Variants in RAD50 observed in about 807,000 individuals in gnomAD.
RAD50 encodes RAD50 double strand break repair protein, also known as DNA repair protein RAD50.
In RAD50, 132 loss-of-function variants were observed where a neutral mutation model predicts 168.8. The observed-to-expected ratio is 0.78, with a 90% CI of 0.68 to 0.90. The LOEUF (loss-of-function observed/expected upper bound fraction) is 0.90. RAD50 is among the 40% of genes least tolerant of loss of function. The pLI, the probability that RAD50 is intolerant of heterozygous loss-of-function variation, is 0.00. For synonymous variants in RAD50, 525 were observed against 497.4 expected (o/e 1.06, Z -0.74); for missense variants, 1,347 against 1,534.4 (o/e 0.88, Z 2.04).
intron 11 of RAD50, among the ~76,000 whole-genome samples, 175 bp downstream of exon 11, chr5:132,592,209 T>G (rs1201012983): frequency 6.6e-6 from 1 of 152,156 alleles, no homozygotes; most frequent in Admixed American, 6.5e-5. Context: ...AGATAAAAAT[T>G]TTAAATAAAC....
chr5:132,640,618 G>C (rs1459519180), intron 23 of RAD50, 54 bp from the exon 24 acceptor site: 11 of 1,612,420 alleles, frequency 6.8e-6, no homozygotes, highest in Middle Eastern at 1.7e-4. Flanking sequence ...CTGCTTGCCT[G>C]CCATGAGATG....
rs750586158 is a variant in RAD50, at chr5:132,638,203, C to T, written c.3598C>T (p.Arg1200Ter). 35 of 1,613,956 alleles carry T rather than the reference C, an allele frequency of 2.2e-5. No homozygotes were observed. The highest frequency in any genetic ancestry group is 3.3e-5 in the South Asian group (3 of 91,074). ...KGDTALDMRGRCSAGQKVLAS... is the reference protein window; with the variant it reads ...KGDTALDMRG Reference sequence around the variant, plus strand: ...AGACACAGCCTTGGATATGCGAGGACGATGCAGTGCTGGACAAAAGGCAGG... The same window carrying T: ...AGACACAGCCTTGGATATGCGAGGATGATGCAGTGCTGGACAAAAGGCAGG... The change falls in exon 23 of 25, where the codon CGA (arginine) becomes TGA (stop). Residue 1200 changes from arginine (R) to a stop codon, truncating the protein, a stop_gained. Transcript: ENST00000378823. LOFTEE classifies it high-confidence loss of function.
At position 132,609,129 on chromosome 5, in the gene RAD50, A is replaced by G. The variant is rs1484655136; in HGVS notation, c.2842A>G (p.Lys948Glu). 1 of 1,611,424 alleles carries G rather than the reference A, an allele frequency of 6.2e-7. No homozygotes were observed. The highest frequency in any genetic ancestry group is 8.5e-7 in the Non-Finnish European group (1 of 1,178,996). The part of the protein sequence containing the change: ...KIAQDKLNDI[K>E]EKVKNIHGYM... ...TATTTTTCTACAGCTGAATGATATT[A>G]AAGAGAAGGTTAAAAATATTCATGG... is the stretch of plus-strand genomic sequence containing the variant. The change falls in exon 18 of 25, where the codon AAA (lysine) becomes GAA (glutamate). Residue 948 changes from lysine to glutamate, a missense_variant. By Grantham distance (56) the Lys-to-Glu change is moderately conservative. Transcript: ENST00000378823.
chr5:132,609,059 C>G (rs377287437), intron 17 of RAD50, 58 bp from the exon 18 acceptor site: 18 of 1,598,472 alleles, frequency 1.1e-5, no homozygotes, highest in Non-Finnish European at 1.5e-5. Flanking sequence ...TTACTGTGCT[C>G]TCCTGTTATG....
chr5:132,579,661 G>T, intron 4 of RAD50, 159 bp downstream of exon 4: 1 of 851,482 alleles, frequency 1.2e-6, no homozygotes, highest in Non-Finnish European at 1.8e-6. Flanking sequence ...TCTTTCACTT[G>T]TCTTTCTGTG....
intron 13 of RAD50, among the ~76,000 whole-genome samples, chr5:132,602,554 C>T (rs1013012724): frequency 1.3e-5 from 2 of 151,778 alleles, no homozygotes; most frequent in African/African-American, 2.4e-5. Flanking sequence ...CCTTTTTTTC[C>T]TGTAATTTAA....
chr5:132,586,723 G>C (rs192494370), intron 5 of RAD50, among the ~76,000 whole-genome samples: 27 of 152,172 alleles, frequency 1.8e-4, no homozygotes, highest in African/African-American at 6.3e-4. Flanking sequence ...GGTTCTGCTG[G>C]GCATGGTGGT....
intron 13 of RAD50, among the ~76,000 whole-genome samples, chr5:132,597,595 G>A (rs960109837): frequency 2.6e-5 from 4 of 152,216 alleles, no homozygotes; most frequent in Non-Finnish European, 4.4e-5. Context: ...AGGCCTTTGA[G>A]CAAGTGAGTT....
At chr5:132,572,417 A>G (rs1750322453) in intron 2 of RAD50, among the ~76,000 whole-genome samples, 1 of 152,288 alleles carries the variant, frequency 6.6e-6, no homozygotes, top group Middle Eastern at 3.4e-3. Context: ...ATGGAGGACA[A>G]TAACCAAAAA....
chr5:132,633,052 C>T (rs1751503596), intron 21 of RAD50, among the ~76,000 whole-genome samples: 2 of 151,044 alleles, frequency 1.3e-5, no homozygotes, highest in South Asian at 4.2e-4. Flanking sequence ...ATTGCAAGTA[C>T]CTATTCCCAG....
chr5:132,559,825 C>T (rs1750092380), intron 2 of RAD50, among the ~76,000 whole-genome samples: 1 of 151,998 alleles, frequency 6.6e-6, no homozygotes, highest in African/African-American at 2.4e-5. Flanking sequence ...GCCAATACTC[C>T]CAGATAGCTC....
At chr5:132,634,914 T>C (rs556143456) in intron 21 of RAD50, among the ~76,000 whole-genome samples, 1 of 152,334 alleles carries the variant, frequency 6.6e-6, no homozygotes, top group South Asian at 2.1e-4. Flanking sequence ...TATATTCTTT[T>C]TACTACCCTT....
intron 20 of RAD50, among the ~76,000 whole-genome samples, chr5:132,617,639 G>T (rs888324995): frequency 1.3e-5 from 2 of 152,112 alleles, no homozygotes; most frequent in Admixed American, 6.6e-5. Context: ...ATTAATATAT[G>T]ATTTAATTCG....
chr5:132,615,810 C>G (rs1463046398), intron 19 of RAD50, among the ~76,000 whole-genome samples, 193 bp from the exon 20 acceptor site: 2 of 152,172 alleles, frequency 1.3e-5, no homozygotes, highest in African/African-American at 4.8e-5. Flanking sequence ...ACACTTGTCA[C>G]TGTGGATGGG....
Position 132,595,581 on chromosome 5 carries a change from G to T in RAD50, c.1978G>T (p.Ala660Ser), listed in dbSNP as rs876659355. Residue 660 changes from alanine to serine, a missense_variant, in exon 13 of 25, where the codon GCT (alanine) becomes TCT (serine). Ala to Ser is a moderately conservative substitution (Grantham distance 99). Around this residue, in one of 3 missense-constraint regions of RAD50, gnomAD observed 703 missense variants for 767.7 expected, o/e 0.92. Coordinates refer to ENST00000378823, the MANE Select transcript of RAD50 (RefSeq NM_005732.4). Reference protein sequence around the residue: ...EKSSKQRAMLAGATAVYSQFI... With the variant: ...EKSSKQRAMLSGATAVYSQFI... Reference sequence around the variant, plus strand: ...TTATTTTCTTAAAATAGCCATGCTGGCTGGAGCCACAGCAGTTTACTCCCA... The same window carrying T: ...TTATTTTCTTAAAATAGCCATGCTGTCTGGAGCCACAGCAGTTTACTCCCA... The T allele has an allele frequency of 2.5e-6, 4 of 1,608,260 alleles. No individual in the cohort carries two copies. The African/African-American group carries it at 4.0e-5, about 16-fold the overall frequency.
rs906621899 is a variant in RAD50 at position 132,557,570 on chromosome 5, G to T, written c.129+117G>T. The T allele has an allele frequency of 2.0e-6, 3 of 1,466,776 alleles. No individual in the cohort carries two copies. The African/African-American group carries it at 4.2e-5, about 21-fold the overall frequency. The allele number at this position is 1,466,776 out of a possible 1,614,324, so 90.9% of individuals were successfully genotyped here. A position where few individuals can be genotyped will look rare whatever the true frequency, so the allele number is the denominator to read the frequency against. On this transcript the variant is annotated intron_variant, in intron 1 of 24. Transcript: ENST00000378823. The stretch of plus-strand genomic sequence containing the variant: ...CGTCCCTAGGGCTCCACAGGTGTAG[G>T]CCCTTAAAGTGCCTTAGGGTGTGGC...
At chr5:132,599,022 C>T (rs528675245) in intron 13 of RAD50, among the ~76,000 whole-genome samples, 1 of 152,314 alleles carries the variant, frequency 6.6e-6, no homozygotes, top group Non-Finnish European at 1.5e-5. Flanking sequence ...AGAGACTAGG[C>T]AACCACACAT....
intron 2 of RAD50, among the ~76,000 whole-genome samples, chr5:132,572,085 A>G (rs1372461048): frequency 6.6e-6 from 1 of 152,238 alleles, no homozygotes; most frequent in Admixed American, 6.5e-5. Flanking sequence ...AAAAGAAAAA[A>G]ACAATCAGTA....
At chr5:132,615,072 A>G (rs1227466508) in intron 19 of RAD50, among the ~76,000 whole-genome samples, 2 of 152,140 alleles carry the variant, frequency 1.3e-5, no homozygotes, top group Non-Finnish European at 2.9e-5. Context: ...CCTTACTCCA[A>G]ATTCAGAATA....
Sources: gnomAD v4.1 joint callset for allele counts (sites outside exome capture counted in the v4.1 genomes callset) on GRCh38, gnomAD v4.1.1 for gene constraint, gnomAD v4.1.1 regional missense constraint, MANE v1.5 for transcripts, NCBI Gene and HGNC (gene_info 2026-07-23, HGNC 2026-07-21) for gene names.